B3GALT1: variants seen among roughly 807,000 people sequenced by gnomAD.
B3GALT1 encodes the protein beta-1,3-galactosyltransferase 1, also known as UDP-Gal:betaGlcNAc beta 1,3-galactosyltransferase, polypeptide 1.
In B3GALT1, 10 loss-of-function variants were observed where a neutral mutation model predicts 23.2. That is an observed-to-expected ratio of 0.43 (90% CI 0.27 to 0.73). The LOEUF (loss-of-function observed/expected upper bound fraction) is 0.73. Among genes scored for constraint, B3GALT1 ranks in the 30% least tolerant of loss-of-function variants. The pLI is 0.21. For synonymous variants in B3GALT1, 156 were observed against 141.5 expected, an observed-to-expected ratio of 1.10 and a Z score of -0.73; for missense variants, 299 against 405.4, an observed-to-expected ratio of 0.74 and a Z score of 2.25.
At chr2:167,762,784 A>G (rs1256713396) in intron 3 of B3GALT1, among the ~76,000 whole-genome samples, 5 of 152,302 alleles carry the variant, frequency 3.3e-5, no homozygotes, top group African/African-American at 1.2e-4. Context: ...AACATTTTGT[A>G]TGAAGGACTT....
In B3GALT1 at chr2:167,544,697, G is replaced by T. The variant is rs1218046644; in HGVS notation, c.-410+54420G>T. ...AAGAGCACCCAAAGAGAAACTCCAG[G>T]TTCAAGGCACAGCCTTCTAGATTGC... On this transcript the variant is annotated intron_variant, in intron 2 of 4. Transcript: ENST00000392690. Among the ~76,000 whole-genome samples the T allele has an allele frequency of 6.6e-5, 10 of 152,252 alleles. No individual in the cohort carries two copies. The East Asian group carries it at 1.7e-3, about 27-fold the overall frequency.
rs201220191 is a variant in B3GALT1 at position 167,794,891 on chromosome 2, CTCCAGT to C, written c.-351-23779_-351-23774del. On this transcript the variant is annotated intron_variant, in intron 3 of 4. Coordinates refer to ENST00000392690, the MANE Select transcript of B3GALT1 (RefSeq NM_020981.4). ...AGGGAAGGTAAACAGTCACACAGAG[CTCCAGT>C]TACCAATATCAAGATAAAAAAGAAA... Among the ~76,000 whole-genome samples, 1,442 of 152,264 alleles carry C rather than the reference CTCCAGT, an allele frequency of 9.5e-3. 27 individuals are homozygous for C. Among genetic ancestry groups the C allele is most frequent in the African/African-American group, 0.032 (1,346 of 41,556 alleles).
intron 1 of B3GALT1, among the ~76,000 whole-genome samples, chr2:167,360,524 A>G (rs1697483515): frequency 6.6e-6 from 1 of 152,146 alleles, no homozygotes; most frequent in Admixed American, 6.5e-5. Flanking sequence ...CAGAAATGCA[A>G]TTTCCTGGGC....
chr2:167,339,364 T>C (rs1004030497), intron 1 of B3GALT1, among the ~76,000 whole-genome samples: 8 of 151,472 alleles, frequency 5.3e-5, no homozygotes, highest in African/African-American at 1.9e-4. Flanking sequence ...GAGCAAATAG[T>C]AAATTATGAA....
chr2:167,634,957 A>C (rs542403236), intron 2 of B3GALT1, among the ~76,000 whole-genome samples: 46 of 152,328 alleles, frequency 3.0e-4, no homozygotes, highest in Admixed American at 2.9e-3. Context: ...TGTATAAAAT[A>C]CTGGCAAACT....
At chr2:167,470,427 A>G (rs1699406555) in intron 1 of B3GALT1, among the ~76,000 whole-genome samples, 1 of 152,220 alleles carries the variant, frequency 6.6e-6, no homozygotes, top group Non-Finnish European at 1.5e-5. Context: ...TAAATTTTAA[A>G]TAATACAAAA....
intron 1 of B3GALT1, among the ~76,000 whole-genome samples, chr2:167,390,510 C>A (rs891968369): frequency 2.6e-5 from 4 of 152,124 alleles, no homozygotes; most frequent in African/African-American, 7.2e-5. Context: ...ATTAACACTA[C>A]CTTTGAAGCT....
intron 1 of B3GALT1, among the ~76,000 whole-genome samples, chr2:167,338,246 A>G (rs1230159744): frequency 6.6e-6 from 1 of 152,208 alleles, no homozygotes; most frequent in Non-Finnish European, 1.5e-5. Flanking sequence ...ACAGACTTTT[A>G]GTCATCTTAG....
chr2:167,786,873 C>T (rs936730761), intron 3 of B3GALT1, among the ~76,000 whole-genome samples: 7 of 151,776 alleles, frequency 4.6e-5, no homozygotes, highest in African/African-American at 1.2e-4. Flanking sequence ...TTCCCAGACA[C>T]GGAGATTCTG....
chr2:167,567,258 G>C (rs998067151), intron 2 of B3GALT1, among the ~76,000 whole-genome samples: 2 of 152,140 alleles, frequency 1.3e-5, no homozygotes, highest in African/African-American at 4.8e-5. Context: ...GAATTAATCT[G>C]CAAGAATGTA....
At chr2:167,477,444 A>C (rs1699503155) in intron 1 of B3GALT1, among the ~76,000 whole-genome samples, 1 of 152,226 alleles carries the variant, frequency 6.6e-6, no homozygotes, top group Non-Finnish European at 1.5e-5. Flanking sequence ...AGAACAGTTT[A>C]AGAATCATAA....
At chr2:167,405,006 T>G (rs533602399) in intron 1 of B3GALT1, among the ~76,000 whole-genome samples, 8 of 152,302 alleles carry the variant, frequency 5.3e-5, no homozygotes, top group African/African-American at 1.9e-4. Context: ...ATGTTTTAAT[T>G]ATTTTATCCC....
intron 3 of B3GALT1, among the ~76,000 whole-genome samples, chr2:167,798,695 A>G (rs1188179353): frequency 3.9e-5 from 6 of 152,152 alleles, no homozygotes; most frequent in Non-Finnish European, 7.3e-5. Flanking sequence ...GCCGTGTAGT[A>G]TAGTTTGAAA....
At chr2:167,852,281 T>C (rs201222877) in intron 4 of B3GALT1, among the ~76,000 whole-genome samples, 1 of 152,164 alleles carries the variant, frequency 6.6e-6, no homozygotes, top group Non-Finnish European at 1.5e-5. Context: ...ATTACTGCTC[T>C]TACTGGATAA....
chr2:167,524,372 T>C (rs182731294), intron 2 of B3GALT1, among the ~76,000 whole-genome samples: 2 of 152,330 alleles, frequency 1.3e-5, no homozygotes, highest in South Asian at 2.1e-4. Context: ...GTGACCTCTT[T>C]ATAACATGAA....
chr2:167,299,221 A>G (rs7578183), intron 1 of B3GALT1, among the ~76,000 whole-genome samples: 6,716 of 152,256 alleles, frequency 0.044, 370 homozygotes, highest in African/African-American at 0.13. Flanking sequence ...TCATGTGGGT[A>G]ACTTTTCTAG....
intron 2 of B3GALT1, among the ~76,000 whole-genome samples, chr2:167,601,696 G>A (rs757304544): frequency 2.6e-5 from 4 of 152,166 alleles, no homozygotes; most frequent in Non-Finnish European, 5.9e-5. Context: ...AAATGTATTA[G>A]AAAAAGCCCA....
chr2:167,708,763 T>C (rs1423311322), intron 3 of B3GALT1, among the ~76,000 whole-genome samples: 1 of 152,176 alleles, frequency 6.6e-6, no homozygotes, highest in Non-Finnish European at 1.5e-5. Context: ...AGCTCTCCCA[T>C]TGTATACACC....
intron 2 of B3GALT1, among the ~76,000 whole-genome samples, chr2:167,503,691 T>C (rs1227119): frequency 0.021 from 3,189 of 152,284 alleles, 108 homozygotes; most frequent in African/African-American, 0.073. Context: ...TTATTCATTC[T>C]TCATATCAGC....
Sources: allele counts gnomAD v4.1 joint callset (sites outside exome capture counted in the v4.1 genomes callset), GRCh38; gene constraint gnomAD v4.1.1; transcripts MANE v1.5; gene names NCBI Gene and HGNC (gene_info 2026-07-23, HGNC 2026-07-21).